Variants in ZDHHC15 observed in about 807,000 individuals in gnomAD.
ZDHHC15 encodes the protein palmitoyltransferase ZDHHC15.
In ZDHHC15, 19 loss-of-function variants were observed where a neutral mutation model predicts 31.7. The observed-to-expected ratio is 0.60, with a 90% CI of 0.42 to 0.88. The LOEUF (loss-of-function observed/expected upper bound fraction) is 0.88, where lower values mean the gene tolerates loss of function less well. ZDHHC15 is among the 40% of genes least tolerant of loss of function. The pLI is 0.00. For missense variants in ZDHHC15, 209 were observed against 251.2 expected, an observed-to-expected ratio of 0.83 and a Z score of 1.14; for synonymous variants, 103 against 90.0, an observed-to-expected ratio of 1.14 and a Z score of -0.82.
intron 3 of ZDHHC15, among the ~76,000 whole-genome samples, chrX:75,460,500 C>A: frequency 9.0e-6 from 1 of 111,062 alleles, no homozygotes. Context: ...AACTTCCCAA[C>A]AGGGGTCTCG....
intron 10 of ZDHHC15, among the ~76,000 whole-genome samples, chrX:75,396,485 T>C (rs780382590): frequency 8.9e-5 from 10 of 111,804 alleles, no homozygotes; most frequent in South Asian, 3.8e-4. Flanking sequence ...AGTCAGGCAA[T>C]AACAAATGCT....
At chrX:75,382,095 C>G (rs1401020326) in intron 10 of ZDHHC15, among the ~76,000 whole-genome samples, 7 of 112,031 alleles carry the variant, frequency 6.2e-5, no homozygotes, top group Non-Finnish European at 1.3e-4. Flanking sequence ...TAATTAGTAG[C>G]ACCATTTTTA....
At chrX:75,494,312 T>C (rs1010622377) in intron 2 of ZDHHC15, among the ~76,000 whole-genome samples, 17 of 111,760 alleles carry the variant, frequency 1.5e-4, no homozygotes, top group Non-Finnish European at 2.6e-4. Context: ...GAACATTCCA[T>C]GCTCATGGGT....
At chrX:75,471,963 A>T (rs993533710) in intron 3 of ZDHHC15, among the ~76,000 whole-genome samples, 5 of 111,804 alleles carry the variant, frequency 4.5e-5, no homozygotes, top group Non-Finnish European at 9.4e-5. Flanking sequence ...TGAACGATTG[A>T]CTATGGGTCA....
chrX:75,442,634 T>A (rs1453752462), intron 4 of ZDHHC15, among the ~76,000 whole-genome samples: 1 of 111,606 alleles, frequency 9.0e-6, no homozygotes, highest in Non-Finnish European at 1.9e-5. Flanking sequence ...AAACTACTGC[T>A]CAATGAAATA....
intron 4 of ZDHHC15, among the ~76,000 whole-genome samples, chrX:75,445,569 G>A (rs1037018971): frequency 1.2e-4 from 14 of 112,139 alleles, no homozygotes; most frequent in African/African-American, 4.5e-4. Context: ...TGACCTGAAA[G>A]CTTCTATGTA....
At chrX:75,487,017 C>T (rs1243207244) in intron 2 of ZDHHC15, among the ~76,000 whole-genome samples, 2 of 111,640 alleles carry the variant, frequency 1.8e-5, no homozygotes, top group Admixed American at 1.9e-4. Context: ...ATTACATACC[C>T]TTCTACTACA....
intron 3 of ZDHHC15, among the ~76,000 whole-genome samples, chrX:75,459,967 C>T (rs1418870893): frequency 8.9e-6 from 1 of 111,915 alleles, no homozygotes; most frequent in Non-Finnish European, 1.9e-5. Flanking sequence ...CCTCTGCCTC[C>T]CAGGTTCAAG....
Position 75,440,981 on chromosome X carries a change from C to T in ZDHHC15, c.380-9461G>A, listed in dbSNP as rs772108945. On this transcript the variant is annotated intron_variant, in intron 4 of 11. Coordinates refer to ENST00000373367, the MANE Select transcript of ZDHHC15 (RefSeq NM_144969.3). ...AAAAGCCAGCAGTGACAGGCCTCAC[C>T]CAACTCCCATGCAGCCAGCAAGGCC... Among the ~76,000 whole-genome samples the T allele has an allele frequency of 4.5e-5, 5 of 111,617 alleles. No homozygotes were observed. In the East Asian group the frequency reaches 1.4e-3, roughly 32 times the overall value.
Position 75,377,796 on chromosome X carries a change from T to C in ZDHHC15, c.*32+1324A>G, listed in dbSNP as rs766749177. ...CCTTTTGGTGAGCCACAAAACTCAA[T>C]AGTGTAGTAAAACCCCTGAGAATTC... On this transcript the variant is annotated intron_variant, in intron 11 of 11. Transcript: ENST00000373367. Among the ~76,000 whole-genome samples the C allele has an allele frequency of 9.9e-4, 110 of 111,538 alleles. 1 individual carries two copies. Among genetic ancestry groups the C allele is most frequent in the Non-Finnish European group, 1.6e-3 (87 of 53,044 alleles).
chrX:75,447,014 C>T, intron 4 of ZDHHC15, among the ~76,000 whole-genome samples: 2 of 112,041 alleles, frequency 1.8e-5, no homozygotes, highest in Non-Finnish European at 3.8e-5. Flanking sequence ...CTTTCCCTAC[C>T]CACCCCAGTT....
chrX:75,496,604 G>A (rs1168869151), intron 2 of ZDHHC15, among the ~76,000 whole-genome samples: 1 of 111,322 alleles, frequency 9.0e-6, no homozygotes, highest in Non-Finnish European at 1.9e-5. Flanking sequence ...TCATATGACA[G>A]GACACAAAAA....
intron 10 of ZDHHC15, among the ~76,000 whole-genome samples, chrX:75,386,275 C>T (rs1383912764): frequency 1.8e-5 from 2 of 111,381 alleles, no homozygotes; most frequent in African/African-American, 6.5e-5. Flanking sequence ...GAGATTAATT[C>T]CCCCCAGTCC....
intron 9 of ZDHHC15, among the ~76,000 whole-genome samples, chrX:75,417,642 T>A (rs2083563640): frequency 8.9e-6 from 1 of 111,936 alleles, no homozygotes; most frequent in Non-Finnish European, 1.9e-5. Context: ...ATTTATTTGG[T>A]GTGCATGGCA....
chrX:75,409,383 G>A (rs1201853110), intron 10 of ZDHHC15, among the ~76,000 whole-genome samples: 1 of 105,451 alleles, frequency 9.5e-6, no homozygotes, highest in Non-Finnish European at 1.9e-5. Context: ...AGCTACTCAG[G>A]AGCCTGAGGC....
chrX:75,473,423 G>T (rs902576192), intron 3 of ZDHHC15, among the ~76,000 whole-genome samples: 8 of 110,995 alleles, frequency 7.2e-5, no homozygotes, highest in Non-Finnish European at 1.1e-4. Context: ...TTTGCTTCCT[G>T]TTCCCACAAC....
intron 7 of ZDHHC15, 111 bp downstream of exon 7, chrX:75,428,967 T>C: frequency 9.7e-7 from 1 of 1,033,979 alleles, no homozygotes; most frequent in Non-Finnish European, 1.3e-6. Context: ...TCCAGTTACT[T>C]CAACAGTATT....
chrX:75,510,666 G>A (rs1229648809), intron 1 of ZDHHC15, among the ~76,000 whole-genome samples: 3 of 86,067 alleles, frequency 3.5e-5, no homozygotes, highest in Admixed American at 2.8e-4. Context: ...ATGCTGGTGC[G>A]CTGCACCCAC....
At chrX:75,518,769 GTATATATATATATA>G (rs1162307795) in intron 1 of ZDHHC15, among the ~76,000 whole-genome samples, 1 of 32,586 alleles carries the variant, frequency 3.1e-5, no homozygotes, top group Admixed American at 6.9e-4. Flanking sequence ...TAACAAACTG[GTATATATATATATA>G]TATATATATA....
Sources: allele counts gnomAD v4.1 joint callset (sites outside exome capture counted in the v4.1 genomes callset), GRCh38; gene constraint gnomAD v4.1.1; transcripts MANE v1.5; gene names NCBI Gene and HGNC (gene_info 2026-07-23, HGNC 2026-07-21).